Variants in XKR6 observed in about 807,000 individuals in gnomAD.
The protein encoded by XKR6 is XK related 6.
Under a neutral mutation model 56.7 loss-of-function variants are expected in XKR6, and 22 were observed. That is an observed-to-expected ratio of 0.39 (90% CI 0.28 to 0.55). The LOEUF (loss-of-function observed/expected upper bound fraction) is 0.55. Ranked by LOEUF, XKR6 falls within the 20% of genes least tolerant of loss-of-function variation. The probability of loss-of-function intolerance (pLI) is 0.66; values close to 1 mark genes in which losing one functional copy is unlikely to be tolerated. For synonymous variants in XKR6, 524 were observed against 387.8 expected, an observed-to-expected ratio of 1.35 and a Z score of -4.13; for missense variants, 852 against 889.0, an observed-to-expected ratio of 0.96 and a Z score of 0.53.
chr8:11,001,936 C>T (rs1188932527), intron 1 of XKR6, among the ~76,000 whole-genome samples: 3 of 152,276 alleles, frequency 2.0e-5, no homozygotes, highest in African/African-American at 7.2e-5. Flanking sequence ...ATACCCGTTG[C>T]TCCCCACAGC....
At chr8:11,153,187 C>T (rs371800709) in intron 1 of XKR6, among the ~76,000 whole-genome samples, 2 of 152,128 alleles carry the variant, frequency 1.3e-5, no homozygotes, top group Non-Finnish European at 2.9e-5. Context: ...AGAAAAGCTA[C>T]GTGAAGAACT....
intron 1 of XKR6, among the ~76,000 whole-genome samples, chr8:10,946,698 A>T (rs1001737002): frequency 5.3e-5 from 8 of 152,076 alleles, no homozygotes; most frequent in African/African-American, 1.9e-4. Flanking sequence ...CTCCTACTGC[A>T]TGCCAGGCAC....
intron 1 of XKR6, among the ~76,000 whole-genome samples, chr8:11,088,232 G>C (rs1396035281): frequency 6.8e-6 from 1 of 147,206 alleles, no homozygotes; most frequent in Non-Finnish European, 1.5e-5. Flanking sequence ...AAGAGATATT[G>C]TTAAATATCT....
At chr8:10,960,626 A>G (rs996319865) in intron 1 of XKR6, among the ~76,000 whole-genome samples, 1 of 152,154 alleles carries the variant, frequency 6.6e-6, no homozygotes, top group Non-Finnish European at 1.5e-5. Context: ...ATCATTCTCA[A>G]TTTACAGATA....
At chr8:11,049,256 G>A (rs1799484618) in intron 1 of XKR6, among the ~76,000 whole-genome samples, 1 of 152,220 alleles carries the variant, frequency 6.6e-6, no homozygotes, top group Non-Finnish European at 1.5e-5. Context: ...CCTGCTCTTG[G>A]CATCTCTGCT....
intron 1 of XKR6, among the ~76,000 whole-genome samples, chr8:11,041,427 G>C (rs113804176): frequency 0.016 from 2,357 of 152,028 alleles, 63 homozygotes; most frequent in African/African-American, 0.053. Flanking sequence ...GTGGTGGTGC[G>C]TGCTTGTAAT....
intron 1 of XKR6, among the ~76,000 whole-genome samples, chr8:11,194,164 T>C (rs778156468): frequency 4.6e-5 from 7 of 152,204 alleles, no homozygotes; most frequent in Admixed American, 3.3e-4. Context: ...TGAAATTCCC[T>C]CTTTAAAGCT....
intron 1 of XKR6, among the ~76,000 whole-genome samples, chr8:10,950,258 G>A (rs150830363): frequency 2.6e-3 from 394 of 152,276 alleles, no homozygotes; most frequent in African/African-American, 9.1e-3. Context: ...GCTCCTCTGT[G>A]CTCCCAGCCC....
intron 1 of XKR6, among the ~76,000 whole-genome samples, chr8:11,046,878 G>A (rs977543188): frequency 2.0e-5 from 3 of 152,314 alleles, no homozygotes; most frequent in South Asian, 2.1e-4. Context: ...ATTATGCTAA[G>A]TGAAATAAAC....
chr8:11,120,520 C>T (rs2129183306), intron 1 of XKR6, among the ~76,000 whole-genome samples: 1 of 152,208 alleles, frequency 6.6e-6, no homozygotes, highest in East Asian at 1.9e-4. Context: ...CAAACCACTG[C>T]TCAACGAAAT....
intron 1 of XKR6, among the ~76,000 whole-genome samples, chr8:11,146,701 A>T (rs943748994): frequency 1.3e-5 from 2 of 152,114 alleles, no homozygotes; most frequent in Non-Finnish European, 2.9e-5. Flanking sequence ...TATTATTATG[A>T]GAATGATATG....
chr8:11,085,503 C>T (rs1463176708), intron 1 of XKR6, among the ~76,000 whole-genome samples: 2 of 152,112 alleles, frequency 1.3e-5, no homozygotes, highest in Middle Eastern at 3.4e-3. Context: ...CTTGTGCATG[C>T]GTGGGCTGCA....
At chr8:11,099,047 T>C (rs970685373) in intron 1 of XKR6, among the ~76,000 whole-genome samples, 2 of 152,140 alleles carry the variant, frequency 1.3e-5, no homozygotes, top group Non-Finnish European at 2.9e-5. Context: ...CTGGGCACCC[T>C]CAACGCCCCA....
intron 1 of XKR6, among the ~76,000 whole-genome samples, chr8:10,961,557 A>G (rs1002612436): frequency 1.3e-5 from 2 of 152,168 alleles, no homozygotes; most frequent in African/African-American, 4.8e-5. Context: ...AAGAAACCCA[A>G]AGAGAAATTC....
At chr8:11,020,233 C>G (rs1798719415) in intron 1 of XKR6, among the ~76,000 whole-genome samples, 2 of 152,154 alleles carry the variant, frequency 1.3e-5, no homozygotes, top group Admixed American at 1.3e-4. Context: ...GGAGCCAGGG[C>G]TTGGCCAGAG....
intron 1 of XKR6, among the ~76,000 whole-genome samples, chr8:10,985,188 C>T (rs549129177): frequency 6.6e-6 from 1 of 152,124 alleles, no homozygotes; most frequent in East Asian, 1.9e-4. Flanking sequence ...AATTGTAGCT[C>T]CCATAATTCC....
At chr8:10,980,394 T>A (rs1194116142) in intron 1 of XKR6, among the ~76,000 whole-genome samples, 1 of 152,182 alleles carries the variant, frequency 6.6e-6, no homozygotes, top group Non-Finnish European at 1.5e-5. Flanking sequence ...TATCAACAGA[T>A]ATTAAACAGG....
intron 1 of XKR6, among the ~76,000 whole-genome samples, chr8:10,960,678 C>T (rs1030664416): frequency 2.0e-5 from 3 of 152,184 alleles, no homozygotes; most frequent in Admixed American, 6.5e-5. Flanking sequence ...TCCAGGGTCA[C>T]GGAGAATCTG....
intron 1 of XKR6, among the ~76,000 whole-genome samples, chr8:10,958,739 ACTC>A (rs2129129609): frequency 6.6e-6 from 1 of 152,106 alleles, no homozygotes; most frequent in African/African-American, 2.4e-5. Context: ...GGAGCAACTC[ACTC>A]CTCCTTCTCT....
Sources: gnomAD v4.1 joint callset for allele counts (sites outside exome capture counted in the v4.1 genomes callset) on GRCh38, gnomAD v4.1.1 for gene constraint, MANE v1.5 for transcripts, NCBI Gene and HGNC (gene_info 2026-07-23, HGNC 2026-07-21) for gene names.